COL19A1: variants seen among roughly 807,000 people sequenced by gnomAD.
The protein encoded by COL19A1 is collagen alpha-1(XIX) chain.
Under a neutral mutation model 190.2 loss-of-function variants are expected in COL19A1, and 159 were observed. The observed-to-expected ratio is 0.84, with a 90% CI of 0.73 to 0.95. The LOEUF is 0.95. Ranked by LOEUF, COL19A1 falls within the 40% of genes least tolerant of loss-of-function variation. The probability of loss-of-function intolerance (pLI) is 0.00; values close to 1 mark genes in which losing one functional copy is unlikely to be tolerated. For missense variants in COL19A1, 1,418 were observed against 1,431.9 expected (o/e 0.99, Z 0.16); for synonymous variants, 509 against 458.9 (o/e 1.11, Z -1.39).
intron 42 of COL19A1, among the ~76,000 whole-genome samples, chr6:70,179,652 A>G (rs768929352): frequency 2.0e-5 from 3 of 152,182 alleles, no homozygotes; most frequent in Non-Finnish European, 4.4e-5. Flanking sequence ...CTTTGTGCCC[A>G]TTTCTCCACT....
intron 40 of COL19A1, 29 bp from the exon 41 acceptor site, chr6:70,171,935 C>T (rs747026904): frequency 9.3e-6 from 15 of 1,608,686 alleles, no homozygotes; most frequent in African/African-American, 1.3e-5. Context: ...GATTATTGCT[C>T]CTGCATTTCT....
chr6:70,103,470 G>A (rs1412916866), intron 16 of COL19A1, among the ~76,000 whole-genome samples: 4 of 152,012 alleles, frequency 2.6e-5, no homozygotes, highest in South Asian at 2.1e-4. Context: ...TTCCTCAATC[G>A]CTTCTTTTTT....
chr6:70,151,245 T>A, intron 30 of COL19A1, 152 bp from the exon 31 acceptor site: 4 of 648,912 alleles, frequency 6.2e-6, no homozygotes, highest in Non-Finnish European at 2.5e-6. Context: ...CATTTCTTTA[T>A]ACGAAACATA....
chr6:69,919,268 G>A (rs964745097), intron 4 of COL19A1, among the ~76,000 whole-genome samples: 1 of 152,164 alleles, frequency 6.6e-6, no homozygotes, highest in Admixed American at 6.5e-5. Flanking sequence ...TGTTAGTAAT[G>A]TGTGACCGAC....
At chr6:70,129,315 A>G (rs1785382156) in intron 17 of COL19A1, among the ~76,000 whole-genome samples, 1 of 152,212 alleles carries the variant, frequency 6.6e-6, no homozygotes, top group South Asian at 2.1e-4. Flanking sequence ...AGTCAGAGAG[A>G]GAAAGAGAAG....
chr6:70,049,568 T>C (rs1046863092), intron 14 of COL19A1, among the ~76,000 whole-genome samples: 1 of 151,974 alleles, frequency 6.6e-6, no homozygotes, highest in African/African-American at 2.4e-5. Context: ...CTTCTGCCCT[T>C]TTGTTTATAG....
At chr6:69,931,201 T>C (rs1772738995) in intron 6 of COL19A1, among the ~76,000 whole-genome samples, 1 of 152,220 alleles carries the variant, frequency 6.6e-6, no homozygotes, top group African/African-American at 2.4e-5. Context: ...CTATCCCACC[T>C]GTGTATTTTT....
intron 11 of COL19A1, among the ~76,000 whole-genome samples, chr6:70,016,325 C>T (rs1399124929): frequency 1.2e-5 from 1 of 84,300 alleles, no homozygotes; most frequent in Non-Finnish European, 2.1e-5. Context: ...ATGTAACTAA[C>T]CTGCACAATG....
chr6:70,117,212 G>A (rs930661678), intron 16 of COL19A1, among the ~76,000 whole-genome samples: 1 of 152,070 alleles, frequency 6.6e-6, no homozygotes, highest in Non-Finnish European at 1.5e-5. Flanking sequence ...AGAACAGTCA[G>A]GGAAAAAAAG....
At chr6:70,019,121 A>G (rs1778279010) in intron 11 of COL19A1, among the ~76,000 whole-genome samples, 1 of 152,158 alleles carries the variant, frequency 6.6e-6, no homozygotes, top group Non-Finnish European at 1.5e-5. Flanking sequence ...CCAGTTTACA[A>G]AAGTCCCTAT....
At chr6:69,900,782 T>C (rs1770137583) in intron 4 of COL19A1, among the ~76,000 whole-genome samples, 1 of 152,218 alleles carries the variant, frequency 6.6e-6, no homozygotes, top group African/African-American at 2.4e-5. Flanking sequence ...ATCTTATCTA[T>C]TGTATAGAGT....
chr6:70,025,246 G>T (rs1778668542), intron 12 of COL19A1, among the ~76,000 whole-genome samples: 1 of 152,150 alleles, frequency 6.6e-6, no homozygotes, highest in Non-Finnish European at 1.5e-5. Flanking sequence ...TAGCCAGGAT[G>T]GTCTCGATCT....
Position 70,101,435 on chromosome 6 carries a change from G to A in COL19A1, c.1225-734G>A, listed in dbSNP as rs544669894. Reference sequence around the variant, plus strand: ...TAGAGAGGTTAGCACAACATCTTGCGATTGGAATTTAGCTAGTTGTGAACT... The same window carrying A: ...TAGAGAGGTTAGCACAACATCTTGCAATTGGAATTTAGCTAGTTGTGAACT... On this transcript the variant is annotated intron_variant, in intron 15 of 50. Transcript: ENST00000620364. 2.3e-4 allele frequency among the ~76,000 whole-genome samples: 35 copies of A among 152,230 alleles called. No individual in the cohort carries two copies. The South Asian group carries it at 6.8e-3, about 30-fold the overall frequency.
chr6:70,204,653 A>G (rs1395467905), intron 49 of COL19A1, among the ~76,000 whole-genome samples: 1 of 152,164 alleles, frequency 6.6e-6, no homozygotes, highest in Non-Finnish European at 1.5e-5. Flanking sequence ...ACTTAAATGA[A>G]ATCGCTAAGT....
At position 70,161,907 on chromosome 6, in the gene COL19A1, A is replaced by C; in HGVS notation, c.2300A>C (p.Gln767Pro). 1 of 1,607,610 alleles carries C rather than the reference A, an allele frequency of 6.2e-7. No individual in the cohort carries two copies. Among genetic ancestry groups the C allele is most frequent in the African/African-American group, 1.3e-5 (1 of 74,726 alleles). Residue 767 changes from glutamine (Q) to proline (P), a missense_variant, in exon 35 of 51, where the codon CAA becomes CCA. Coordinates refer to ENST00000620364, the MANE Select transcript of COL19A1 (RefSeq NM_001858.6). ...GGGAACTATCTTTTCCAGGGTCTTCAAGGAATTCCAGGCATTCCAGGTGCT... is the reference window on the plus strand; with the variant it reads ...GGGAACTATCTTTTCCAGGGTCTTCCAGGAATTCCAGGCATTCCAGGTGCT... ...IPGEKGDEGL[Q>P]GIPGIPGAPG...
At position 70,034,275 on chromosome 6, in the gene COL19A1, C is replaced by A. The variant is rs771341446; in HGVS notation, c.1111C>A (p.Pro371Thr). ...GLKGDLGPHGPPGPKGEKGDT... is the reference protein window; with the variant it reads ...GLKGDLGPHGTPGPKGEKGDT... ...GAAAGGTGACTTGGGTCCTCATGGT[C>A]CACCTGGCCCAAAAGGAGAAAAGGT... is the stretch of plus-strand genomic sequence containing the variant. Residue 371 changes from proline (P) to threonine (T), a missense_variant, in exon 13 of 51, where the codon CCA becomes ACA. Transcript: ENST00000620364. The A allele has an allele frequency of 1.2e-6, 2 of 1,612,902 alleles. No individual in the cohort carries two copies. The highest frequency in any genetic ancestry group is 8.5e-7 in the Non-Finnish European group (1 of 1,178,998).
intron 9 of COL19A1, among the ~76,000 whole-genome samples, chr6:69,952,861 G>T (rs1774199429): frequency 6.6e-6 from 1 of 152,028 alleles, no homozygotes; most frequent in South Asian, 2.1e-4. Flanking sequence ...TTATGTAAGT[G>T]CAGACAAGGC....
At position 69,877,966 on chromosome 6, in the gene COL19A1, G is replaced by A. The variant is rs189041417; in HGVS notation, c.-32-1570G>A. 3.6e-3 allele frequency among the ~76,000 whole-genome samples: 542 copies of A among 152,004 alleles called. 3 individuals are homozygous for A. Among genetic ancestry groups the A allele is most frequent in the African/African-American group, 0.012 (495 of 41,496 alleles). On this transcript the variant is annotated intron_variant, in intron 1 of 50. Coordinates refer to ENST00000620364, the MANE Select transcript of COL19A1 (RefSeq NM_001858.6). ...GTGGAGGTTGCAGTGAGCCGAGATCGCGCCACTGCACTCTAGCCTGGGCTA... is the reference window on the plus strand; with the variant it reads ...GTGGAGGTTGCAGTGAGCCGAGATCACGCCACTGCACTCTAGCCTGGGCTA...
chr6:70,020,253 AC>A (rs1778344897), intron 11 of COL19A1, among the ~76,000 whole-genome samples: 1 of 152,104 alleles, frequency 6.6e-6, no homozygotes, highest in African/African-American at 2.4e-5. Context: ...TTAAACCACT[AC>A]ATGATATTTT....
Sources: allele counts gnomAD v4.1 joint callset (sites outside exome capture counted in the v4.1 genomes callset), GRCh38; gene constraint gnomAD v4.1.1; transcripts MANE v1.5; gene names NCBI Gene and HGNC (gene_info 2026-07-23, HGNC 2026-07-21).